The following CLIP1 variants were observed in gnomAD, a reference collection of about 807,000 sequenced individuals.
The protein encoded by CLIP1 is CAP-Gly domain-containing linker protein 1.
CLIP1 carries 66 observed loss-of-function variants against 161.6 expected under a neutral mutation model. The observed-to-expected ratio is 0.41, with a 90% CI of 0.33 to 0.50. The LOEUF is 0.50. Among genes scored for constraint, CLIP1 ranks in the 20% least tolerant of loss-of-function variants. CLIP1 has a pLI of 0.27. For missense variants in CLIP1, 1,376 were observed against 1,702.0 expected (o/e 0.81, Z 3.37); for synonymous variants, 598 against 626.2 (o/e 0.96, Z 0.67).
chr12:122,357,207 G>A (rs1019956059), intron 5 of CLIP1, among the ~76,000 whole-genome samples: 5 of 151,542 alleles, frequency 3.3e-5, no homozygotes, highest in Non-Finnish European at 5.9e-5. Flanking sequence ...GTCTCTGCCC[G>A]GCCGCCCATC....
At chr12:122,319,186 G>A in intron 18 of CLIP1, 46 bp downstream of exon 18, 1 of 1,284,950 alleles carries the variant, frequency 7.8e-7, no homozygotes. Context: ...ATTCTACCAA[G>A]TTGGTAAGCT....
chr12:122,370,822 GTA>G, intron 3 of CLIP1, among the ~76,000 whole-genome samples: 1 of 152,092 alleles, frequency 6.6e-6, no homozygotes, highest in African/African-American at 2.4e-5. Flanking sequence ...ACAGGAAAGG[GTA>G]ATGCATGCCT....
At chr12:122,406,022 G>A (rs2137122677) in intron 1 of CLIP1, among the ~76,000 whole-genome samples, 1 of 152,254 alleles carries the variant, frequency 6.6e-6, no homozygotes, top group Non-Finnish European at 1.5e-5. Context: ...AGCCTAGATG[G>A]CACCACTGCA....
chr12:122,283,434 A>C (rs1955724459), intron 21 of CLIP1, among the ~76,000 whole-genome samples: 1 of 151,430 alleles, frequency 6.6e-6, no homozygotes, highest in South Asian at 2.1e-4. Context: ...GATTCCACTA[A>C]TTCCTTTCTT....
intron 1 of CLIP1, among the ~76,000 whole-genome samples, chr12:122,417,414 T>C (rs546406108): frequency 3.3e-5 from 5 of 151,842 alleles, no homozygotes; most frequent in African/African-American, 1.2e-4. Flanking sequence ...TATAGTGAGT[T>C]ATAATTGTGC....
chr12:122,408,497 T>C (rs979172667), intron 1 of CLIP1, among the ~76,000 whole-genome samples: 1 of 151,546 alleles, frequency 6.6e-6, no homozygotes, highest in African/African-American at 2.4e-5. Flanking sequence ...TACAGGCGCC[T>C]GCCACCACAC....
In CLIP1 at chr12:122,328,322, T is replaced by C. The variant is rs376724531; in HGVS notation, c.2972A>G (p.Gln991Arg). Residue 991 changes from glutamine to arginine, a missense_variant, in exon 16 of 26, where the codon CAA (glutamine) becomes CGA (arginine). Transcript: ENST00000620786. The stretch of plus-strand genomic sequence containing the variant: ...TTCCTCATGCTTTTTAGCTGCTTCT[T>C]GCTGGCTCTGTTCAGCTTTGACAGT... ...DMTVKAEQSQ[Q>R]EAAKKHEEEK... 1.7e-5 allele frequency: 28 copies of C among 1,614,090 alleles called. No homozygotes were observed. The highest frequency in any genetic ancestry group is 2.3e-5 in the Non-Finnish European group (27 of 1,180,044).
At chr12:122,348,706 C>A (rs543875498) in intron 9 of CLIP1, among the ~76,000 whole-genome samples, 1 of 152,328 alleles carries the variant, frequency 6.6e-6, no homozygotes, top group South Asian at 2.1e-4. Context: ...CCCACACCCG[C>A]AGGGCTGCTC....
intron 19 of CLIP1, among the ~76,000 whole-genome samples, chr12:122,316,075 A>C (rs1593047966): frequency 6.6e-6 from 1 of 151,998 alleles, no homozygotes; most frequent in South Asian, 2.1e-4. Context: ...TTGGCTGGCC[A>C]GGCGCAGTGG....
intron 12 of CLIP1, among the ~76,000 whole-genome samples, chr12:122,334,948 A>C (rs1952145820): frequency 6.6e-6 from 1 of 152,202 alleles, no homozygotes; most frequent in African/African-American, 2.4e-5. Flanking sequence ...CAGGTTCACC[A>C]GCATGCCCAT....
intron 1 of CLIP1, among the ~76,000 whole-genome samples, chr12:122,406,300 G>A (rs1046728506): frequency 1.3e-5 from 2 of 152,094 alleles, no homozygotes; most frequent in Non-Finnish European, 2.9e-5. Flanking sequence ...ACAAAAATTA[G>A]CCAGGCGTGG....
Position 122,341,428 on chromosome 12 carries a change from A to G in CLIP1, c.1776T>C (p.Tyr592=). Residue 592 remains tyrosine (Y), a synonymous_variant, in exon 11 of 26, where the codon TAT becomes TAC. Coordinates refer to ENST00000620786, the MANE Select transcript of CLIP1 (RefSeq NM_001247997.2). ...CTTTGGAAAGCTTTTCCGTGGCGGT[A>G]TACAGAGCCTTTATCTCCTTCTGAT... ...ETHQKEIKAL[Y]TATEKLSKEN... is the part of the protein sequence containing the mutation. The G allele has an allele frequency of 6.2e-7, 1 of 1,614,098 alleles. No individual in the cohort carries two copies. The highest frequency in any genetic ancestry group is 8.5e-7 in the Non-Finnish European group (1 of 1,180,006).
chr12:122,415,461 G>C lies in CLIP1; in HGVS notation c.-107+7060C>G, dbSNP rs761189884. Among the ~76,000 whole-genome samples the C allele has an allele frequency of 1.0e-4, 14 of 138,600 alleles. 1 individual carries two copies. The highest frequency in any genetic ancestry group is 1.0e-3 in the Admixed American group (13 of 12,882). 90.9% of individuals were successfully genotyped at this position (138,600 alleles called of 152,430 possible). A position where few individuals can be genotyped will look rare whatever the true frequency, so the allele number is the denominator to read the frequency against. ...GGCGCCACTGCACTCCAGCCTGGGCGACAGAGTGAGACTCCATCTCAAAAA... is the reference window on the plus strand; with the variant it reads ...GGCGCCACTGCACTCCAGCCTGGGCCACAGAGTGAGACTCCATCTCAAAAA... On this transcript the variant is annotated intron_variant, in intron 1 of 25. Coordinates refer to ENST00000620786, the MANE Select transcript of CLIP1 (RefSeq NM_001247997.2).
intron 20 of CLIP1, among the ~76,000 whole-genome samples, chr12:122,300,925 G>C (rs1950655505): frequency 6.6e-6 from 1 of 152,132 alleles, no homozygotes; most frequent in Non-Finnish European, 1.5e-5. Flanking sequence ...CTCCTGGCAG[G>C]ACACAGTATC....
chr12:122,387,581 TATATATATA>T (rs1336499721), intron 1 of CLIP1, among the ~76,000 whole-genome samples: 33 of 4,496 alleles, frequency 7.3e-3, no homozygotes, highest in African/African-American at 0.013. Context: ...TATATATATA[TATATATATA>T]TTTTTTTTTT....
intron 21 of CLIP1, among the ~76,000 whole-genome samples, chr12:122,281,513 C>T (rs1330263390): frequency 2.6e-5 from 4 of 151,872 alleles, no homozygotes; most frequent in African/African-American, 4.8e-5. Flanking sequence ...ACAGTGAGAC[C>T]CCCGTCTCTA....
At chr12:122,278,249 T>C (rs750429481) in intron 23 of CLIP1, 46 bp from the exon 24 acceptor site, 2 of 1,408,992 alleles carry the variant, frequency 1.4e-6, no homozygotes, top group Admixed American at 2.0e-5. Context: ...AGGGAGAATA[T>C]ATGTATATTT....
chr12:122,341,436 C>G lies in CLIP1; in HGVS notation c.1768G>C (p.Ala590Pro), dbSNP rs1354981066. The G allele has an allele frequency of 5.6e-6, 9 of 1,613,786 alleles. No individual in the cohort carries two copies. Among genetic ancestry groups the G allele is most frequent in the Middle Eastern group, 1.6e-4 (1 of 6,082 alleles). The change falls in exon 11 of 26, where the codon GCT (alanine) becomes CCT (proline). Residue 590 changes from alanine to proline, a missense_variant. This residue lies in a region of CLIP1 where 948 missense variants were observed against 1,134.8 expected (regional missense o/e 0.84). Transcript: ENST00000620786. ...REETHQKEIK[A>P]LYTATEKLSK... ...AGCTTTTCCGTGGCGGTATACAGAG[C>G]CTTTATCTCCTTCTGATGAGTTTCT... is the stretch of plus-strand genomic sequence containing the variant.
At chr12:122,368,285 A>G (rs2136667096) in intron 3 of CLIP1, among the ~76,000 whole-genome samples, 1 of 152,344 alleles carries the variant, frequency 6.6e-6, no homozygotes, top group Admixed American at 6.5e-5. Context: ...AGACAAGAAG[A>G]TTCAGACAAG....
Sources: gnomAD v4.1 joint callset for allele counts (sites outside exome capture counted in the v4.1 genomes callset) on GRCh38, gnomAD v4.1.1 for gene constraint, gnomAD v4.1.1 regional missense constraint, MANE v1.5 for transcripts, NCBI Gene and HGNC (gene_info 2026-07-23, HGNC 2026-07-21) for gene names.